ARHGEF4: variants seen among roughly 807,000 people sequenced by gnomAD.
ARHGEF4 encodes the protein APC-stimulated guanine nucleotide exchange factor 1.
A neutral mutation model predicts 162.0 loss-of-function variants in ARHGEF4; 119 were observed. That is an observed-to-expected ratio of 0.73 (90% confidence interval 0.63 to 0.86). The LOEUF is 0.86. Among genes scored for constraint, ARHGEF4 ranks in the 40% least tolerant of loss-of-function variants. The probability of loss-of-function intolerance (pLI) is 0.00; values close to 1 mark genes in which losing one functional copy is unlikely to be tolerated. For missense variants in ARHGEF4, 2,488 were observed against 2,456.0 expected (o/e 1.01, Z -0.28); for synonymous variants, 1,014 against 979.9 (o/e 1.03, Z -0.65).
intron 3 of ARHGEF4, among the ~76,000 whole-genome samples, chr2:130,942,631 A>G (rs1031798150): frequency 9.2e-5 from 14 of 152,218 alleles, no homozygotes; most frequent in African/African-American, 3.4e-4. Context: ...TGAGTGAATC[A>G]GAGCACTAGA....
At chr2:130,902,581 G>A (rs1574194097) in intron 1 of ARHGEF4, among the ~76,000 whole-genome samples, 2 of 148,148 alleles carry the variant, frequency 1.3e-5, no homozygotes, top group African/African-American at 2.6e-5. Flanking sequence ...GCGACAGAGC[G>A]AGACTCCATC....
At chr2:130,904,067 T>C (rs902727842) in intron 1 of ARHGEF4, among the ~76,000 whole-genome samples, 1 of 152,234 alleles carries the variant, frequency 6.6e-6, no homozygotes, top group Non-Finnish European at 1.5e-5. Context: ...ATGGTGGTTC[T>C]ATTTTTAGTT....
intron 1 of ARHGEF4, among the ~76,000 whole-genome samples, chr2:130,907,816 C>T (rs1019935953): frequency 4.6e-5 from 7 of 151,740 alleles, no homozygotes; most frequent in South Asian, 2.1e-4. Context: ...ATTAGCCAGG[C>T]GTGGTGGCAT....
At chr2:130,988,226 G>A (rs149396042) in intron 4 of ARHGEF4, among the ~76,000 whole-genome samples, 7 of 152,292 alleles carry the variant, frequency 4.6e-5, no homozygotes, top group Non-Finnish European at 8.8e-5. Context: ...CACCTCCTCC[G>A]CAGCCGTGTC....
rs898448084 is a variant in ARHGEF4 at position 130,917,494 on chromosome 2, G to C, written c.3548G>C (p.Ser1183Thr). Residue 1183 changes from serine to threonine, a missense_variant, in exon 2 of 14, where the codon AGT becomes ACT. Around this residue, in one of 6 missense-constraint regions of ARHGEF4, gnomAD observed 1,642 missense variants for 1,481.5 expected, o/e 1.11. Coordinates refer to ENST00000409359, the MANE Select transcript of ARHGEF4 (RefSeq NM_001367493.1). ...TVPWLRDLPG[S>T]ENHMPWEEPA... ...CCCTGGCTCAGGGACCTTCCTGGGA[G>C]TGAGGTGAGTATCTGAATCGCACCA... is the stretch of plus-strand genomic sequence containing the variant. 33 of 1,548,360 alleles carry C rather than the reference G, an allele frequency of 2.1e-5. No individual in the cohort carries two copies. The highest frequency in any genetic ancestry group is 7.9e-5 in the Admixed American group (4 of 50,696).
At chr2:131,009,993 G>A (rs1429286050) in intron 4 of ARHGEF4, among the ~76,000 whole-genome samples, 1 of 152,102 alleles carries the variant, frequency 6.6e-6, no homozygotes, top group Non-Finnish European at 1.5e-5. Flanking sequence ...CGACCTTTTA[G>A]CAGGAAGTTA....
Position 130,916,921 on chromosome 2 carries a change from C to A in ARHGEF4, c.2975C>A (p.Ala992Glu). 1 of 1,550,590 alleles carries A rather than the reference C, an allele frequency of 6.4e-7. No individual in the cohort carries two copies. The highest frequency in any genetic ancestry group is 8.7e-7 in the Non-Finnish European group (1 of 1,147,000). Residue 992 changes from alanine (A) to glutamate (E), a missense_variant, in exon 2 of 14, where the codon GCG (alanine) becomes GAG (glutamate). Ala to Glu is a moderately radical substitution (Grantham distance 107). Around this residue, in one of 6 missense-constraint regions of ARHGEF4, gnomAD observed 1,642 missense variants for 1,481.5 expected, o/e 1.11. Coordinates refer to ENST00000409359, the MANE Select transcript of ARHGEF4 (RefSeq NM_001367493.1). ...AETDSHCEERAEDKEGYVFSD... is the reference protein window; with the variant it reads ...AETDSHCEEREEDKEGYVFSD... ...ACCGACAGCCACTGTGAGGAACGGG[C>A]GGAGGACAAAGAGGGCTATGTTTTT... is the stretch of plus-strand genomic sequence containing the variant.
Position 131,039,007 on chromosome 2 carries a change from G to A in ARHGEF4, c.4280G>A (p.Gly1427Asp). The A allele has an allele frequency of 1.9e-6, 3 of 1,613,058 alleles. No homozygotes were observed. The highest frequency in any genetic ancestry group is 2.2e-5 in the East Asian group (1 of 44,876). Residue 1427 changes from glycine (G) to aspartate (D), a missense_variant, in exon 6 of 14, where the codon GGC (glycine) becomes GAC (aspartate). Physicochemically the swap from Gly to Asp is moderately conservative, Grantham distance 94 (BLOSUM62 -1). Coordinates refer to ENST00000409359, the MANE Select transcript of ARHGEF4 (RefSeq NM_001367493.1). ...WWWGRVADGE[G>D]WFPASFVRLR... ...TGGGGCCGGGTCGCCGATGGCGAGG[G>A]CTGGTTTCCAGCCAGCTTCGTTCGG...
At chr2:130,867,238 TA>T (rs1180404776) in intron 1 of ARHGEF4, among the ~76,000 whole-genome samples, 32 of 150,402 alleles carry the variant, frequency 2.1e-4, no homozygotes, top group African/African-American at 6.9e-4. Context: ...ATATTATTAT[TA>T]TTATTTTTTT....
rs534062776 is a variant in ARHGEF4 at position 130,916,199 on chromosome 2, G to A, written c.2253G>A (p.Pro751=). ...GCTCCGGGTCAGGGGAGCGTGGCCC[G>A]GAGGAGGCCCCCGAAGGCGGTGCTG... is the stretch of plus-strand genomic sequence containing the variant. ...SRSSGSGERG[P]EEAPEGGAAA... Residue 751 remains proline (P), a synonymous_variant, in exon 2 of 14, where the codon CCG becomes CCA. Coordinates refer to ENST00000409359, the MANE Select transcript of ARHGEF4 (RefSeq NM_001367493.1). The A allele has an allele frequency of 1.4e-4, 220 of 1,547,384 alleles. No individual in the cohort carries two copies. In the African/African-American group the frequency reaches 2.8e-3, roughly 20 times the overall value.
At position 130,916,470 on chromosome 2, in the gene ARHGEF4, G is replaced by A; in HGVS notation, c.2524G>A (p.Gly842Ser). The A allele has an allele frequency of 1.3e-6, 2 of 1,544,448 alleles. 1 individual carries two copies. The highest frequency in any genetic ancestry group is 2.4e-5 in the South Asian group (2 of 83,876). The change falls in exon 2 of 14, where the codon GGT (glycine) becomes AGT (serine). Residue 842 changes from glycine (G) to serine (S), a missense_variant. Physicochemically the swap from Gly to Ser is moderately conservative, Grantham distance 56. Coordinates refer to ENST00000409359, the MANE Select transcript of ARHGEF4 (RefSeq NM_001367493.1). The stretch of plus-strand genomic sequence containing the variant: ...CAGGGAGAATCCGCCCGCTGCGGCC[G>A]GTCGGGACGCACCGCCTCTGCACCA... ...LPRENPPAAAGRDAPPLHHGD... is the reference protein window; with the variant it reads ...LPRENPPAAASRDAPPLHHGD...
chr2:131,034,096 C>T (rs754346331), intron 5 of ARHGEF4, among the ~76,000 whole-genome samples: 1 of 152,166 alleles, frequency 6.6e-6, no homozygotes, highest in Non-Finnish European at 1.5e-5. Flanking sequence ...GCTGGCCACA[C>T]ACAGAGAGAT....
rs539248732 is a variant in ARHGEF4, at chr2:131,021,377, G to T, written c.3986-6568G>T. 6.5e-4 allele frequency among the ~76,000 whole-genome samples: 99 copies of T among 152,144 alleles called. 1 individual carries two copies. Among genetic ancestry groups the T allele is most frequent in the African/African-American group, 2.3e-3 (96 of 41,488 alleles). ...CAAACCTGACAAAAACAAGAAATGG[G>T]GAAAGGATTCCCCATTTAATAAATG... On this transcript the variant is annotated intron_variant, in intron 4 of 13. Coordinates refer to ENST00000409359, the MANE Select transcript of ARHGEF4 (RefSeq NM_001367493.1).
In ARHGEF4 at chr2:130,996,078, C is replaced by T. The variant is rs183360658; in HGVS notation, c.3986-31867C>T. Among the ~76,000 whole-genome samples, 77 of 152,040 alleles carry T rather than the reference C, an allele frequency of 5.1e-4. No homozygotes were observed. In the East Asian group the frequency reaches 0.012, roughly 25 times the overall value. Reference sequence around the variant, plus strand: ...CTAATTTTTGTATTTTTAGTAGAGACGGGGTTTCACCATGTTGGTTAGGCT... The same window carrying T: ...CTAATTTTTGTATTTTTAGTAGAGATGGGGTTTCACCATGTTGGTTAGGCT... On this transcript the variant is annotated intron_variant, in intron 4 of 13. Transcript: ENST00000409359.
At chr2:130,964,379 C>A in intron 4 of ARHGEF4, 1 of 406,502 alleles carries the variant, frequency 2.5e-6, no homozygotes, top group Non-Finnish European at 3.3e-6. Flanking sequence ...ATCTCCTGGT[C>A]CCTTCCTTCC....
rs1443603991 is a variant in ARHGEF4 at position 130,995,365 on chromosome 2, C to T, written c.3986-32580C>T. On this transcript the variant is annotated intron_variant, in intron 4 of 13. Coordinates refer to ENST00000409359, the MANE Select transcript of ARHGEF4 (RefSeq NM_001367493.1). ...TTGACTCAAGAGCTTCCGTTTGTTTCTTTCCTGGAGTTTTTACTTCTCCAT... is the reference window on the plus strand; with the variant it reads ...TTGACTCAAGAGCTTCCGTTTGTTTTTTTCCTGGAGTTTTTACTTCTCCAT... Among the ~76,000 whole-genome samples, 4 of 152,230 alleles carry T rather than the reference C, an allele frequency of 2.6e-5. No individual in the cohort carries two copies. In the East Asian group the frequency reaches 7.7e-4, roughly 29 times the overall value.
chr2:130,934,127 G>A (rs1682799675), intron 3 of ARHGEF4, among the ~76,000 whole-genome samples: 1 of 152,200 alleles, frequency 6.6e-6, no homozygotes, highest in South Asian at 2.1e-4. Flanking sequence ...TATCATGAAA[G>A]GGTGCTGGAT....
At chr2:130,984,002 G>A (rs1321308744) in intron 4 of ARHGEF4, among the ~76,000 whole-genome samples, 1 of 152,154 alleles carries the variant, frequency 6.6e-6, no homozygotes, top group Non-Finnish European at 1.5e-5. Flanking sequence ...ATAACAATAA[G>A]TGTACATACA....
chr2:130,895,109 C>T (rs1680080836), intron 1 of ARHGEF4, among the ~76,000 whole-genome samples: 1 of 152,180 alleles, frequency 6.6e-6, no homozygotes, highest in African/African-American at 2.4e-5. Context: ...CCTCCCTGCC[C>T]AATGCCCATT....
Sources: allele counts gnomAD v4.1 joint callset (sites outside exome capture counted in the v4.1 genomes callset), GRCh38; gene constraint gnomAD v4.1.1; regional missense constraint gnomAD v4.1.1; transcripts MANE v1.5; gene names NCBI Gene and HGNC (gene_info 2026-07-23, HGNC 2026-07-21).